The following KLF7 variants were observed in gnomAD, a reference collection of about 807,000 sequenced individuals.
The protein encoded by KLF7 is KLF transcription factor 7.
In KLF7, 2 loss-of-function variants were observed where a neutral mutation model predicts 27.3. The observed-to-expected ratio is 0.07, with a 90% CI of 0.03 to 0.23. The LOEUF (loss-of-function observed/expected upper bound fraction) is 0.23, where lower values mean the gene tolerates loss of function less well. KLF7 is among the 10% of genes least tolerant of loss of function. KLF7 has a pLI of 1.00. For synonymous variants in KLF7, 165 were observed against 162.4 expected, an observed-to-expected ratio of 1.02 and a Z score of -0.12; for missense variants, 221 against 394.1, an observed-to-expected ratio of 0.56 and a Z score of 3.72.
intron 2 of KLF7, among the ~76,000 whole-genome samples, chr2:207,090,523 G>A (rs1444356344): frequency 1.3e-5 from 2 of 152,190 alleles, no homozygotes; most frequent in Non-Finnish European, 2.9e-5. Flanking sequence ...CATGCAGTCA[G>A]TATTCAGTTC....
At chr2:207,119,000 A>G (rs1257598003) in intron 2 of KLF7, among the ~76,000 whole-genome samples, 1 of 152,222 alleles carries the variant, frequency 6.6e-6, no homozygotes, top group African/African-American at 2.4e-5. Flanking sequence ...GGCCCCAAAG[A>G]AAATGTAAAA....
intron 2 of KLF7, among the ~76,000 whole-genome samples, chr2:207,119,727 G>A (rs913743588): frequency 1.3e-5 from 2 of 151,932 alleles, no homozygotes; most frequent in African/African-American, 2.4e-5. Context: ...TTTTTGAGAC[G>A]GTGTCTCACT....
chr2:207,086,265 G>A (rs10084301), intron 3 of KLF7, among the ~76,000 whole-genome samples: 11,271 of 152,142 alleles, frequency 0.074, 522 homozygotes, highest in Middle Eastern at 0.13. Flanking sequence ...GCCAACTCCC[G>A]GTCACTCCAG....
upstream of KLF7, chr2:207,166,978 A>G: frequency 1.4e-6 from 1 of 737,260 alleles, no homozygotes; most frequent in South Asian, 5.8e-5. Context: ...CCTCCTTCTG[A>G]CCCCGAGCGA....
chr2:207,163,799 G>C (rs2078617493), intron 1 of KLF7, among the ~76,000 whole-genome samples: 1 of 152,234 alleles, frequency 6.6e-6, no homozygotes, highest in Non-Finnish European at 1.5e-5. Flanking sequence ...TTCCATACCA[G>C]TGGGCTGACA....
chr2:207,159,251 A>G (rs1490918682), intron 1 of KLF7, among the ~76,000 whole-genome samples: 3 of 152,236 alleles, frequency 2.0e-5, no homozygotes, highest in Admixed American at 1.3e-4. Flanking sequence ...GGATATGTGT[A>G]TTCACATTGT....
At chr2:207,092,111 T>A (rs1202484690) in intron 2 of KLF7, among the ~76,000 whole-genome samples, 1 of 152,152 alleles carries the variant, frequency 6.6e-6, no homozygotes, top group Admixed American at 6.5e-5. Flanking sequence ...TCCAGATACT[T>A]CTCCTGGGTA....
At chr2:207,087,932 G>GA (rs2076428811) in intron 3 of KLF7, among the ~76,000 whole-genome samples, 1 of 152,206 alleles carries the variant, frequency 6.6e-6, no homozygotes, top group Non-Finnish European at 1.5e-5. Flanking sequence ...TTTCAAGGAA[G>GA]AAAGAATGAT....
At chr2:207,151,573 C>G (rs2078249119) in intron 1 of KLF7, among the ~76,000 whole-genome samples, 1 of 152,144 alleles carries the variant, frequency 6.6e-6, no homozygotes, top group Admixed American at 6.5e-5. Flanking sequence ...TTCTCTTTTG[C>G]AGGGAAAACT....
At chr2:207,123,739 A>C (rs757408705) in intron 2 of KLF7, 35 bp downstream of exon 2, 1 of 1,582,428 alleles carries the variant, frequency 6.3e-7, no homozygotes, top group Non-Finnish European at 8.6e-7. Flanking sequence ...AGGAGGGGAA[A>C]GAAGAAACCA....
At chr2:207,151,733 CACA>C (rs1181367366) in intron 1 of KLF7, among the ~76,000 whole-genome samples, 1 of 151,298 alleles carries the variant, frequency 6.6e-6, no homozygotes, top group African/African-American at 2.4e-5. Flanking sequence ...TACACACACA[CACA>C]CACACACACA....
intron 1 of KLF7, chr2:207,134,208 AAC>A: frequency 8.3e-7 from 1 of 1,202,132 alleles, no homozygotes; most frequent in Non-Finnish European, 1.1e-6. Flanking sequence ...TCCTTCCTGG[AAC>A]ACAGTCATCT....
intron 1 of KLF7, among the ~76,000 whole-genome samples, chr2:207,146,928 CA>C (rs147097499): frequency 2.8e-3 from 420 of 152,292 alleles, no homozygotes; most frequent in African/African-American, 9.9e-3. Context: ...TTCTATGCAA[CA>C]TATACTTTCC....
At chr2:207,110,422 A>G (rs992727211) in intron 2 of KLF7, among the ~76,000 whole-genome samples, 1 of 152,242 alleles carries the variant, frequency 6.6e-6, no homozygotes, top group Non-Finnish European at 1.5e-5. Flanking sequence ...CAACTGTTAC[A>G]TTTCAGCAAG....
At chr2:207,134,086 C>G in intron 1 of KLF7, 1 of 1,535,444 alleles carries the variant, frequency 6.5e-7, no homozygotes. Context: ...CGGGAACATG[C>G]CGAACCAGTT....
At chr2:207,170,371 G>A (rs2078776851), upstream of KLF7, among the ~76,000 whole-genome samples, 1 of 152,188 alleles carries the variant, frequency 6.6e-6, no homozygotes, top group Admixed American at 6.5e-5. Flanking sequence ...TGAGGTTTAA[G>A]GGAAAAAGTC....
At chr2:207,081,583 G>C (rs2076273030) in intron 3 of KLF7, among the ~76,000 whole-genome samples, 1 of 152,166 alleles carries the variant, frequency 6.6e-6, no homozygotes, top group Non-Finnish European at 1.5e-5. Context: ...AAGGTACTTA[G>C]AATACGGACT....
At chr2:207,134,154 ATTTTTTTTTT>A in intron 1 of KLF7, 1 of 1,141,042 alleles carries the variant, frequency 8.8e-7, no homozygotes, top group Non-Finnish European at 1.1e-6. Context: ...GGCTACTGGG[ATTTTTTTTTT>A]TTTTTTTTTT....
At chr2:207,166,849 C>G (rs1321324804), upstream of KLF7, 1 of 1,050,148 alleles carries the variant, frequency 9.5e-7, no homozygotes, top group Non-Finnish European at 1.1e-6. Context: ...GAGGAAGTGC[C>G]ACACAATGGG....
Sources: allele counts gnomAD v4.1 joint callset (sites outside exome capture counted in the v4.1 genomes callset), GRCh38; gene constraint gnomAD v4.1.1; transcripts MANE v1.5; gene names NCBI Gene and HGNC (gene_info 2026-07-23, HGNC 2026-07-21).